CRK: variants seen among roughly 807,000 people sequenced by gnomAD.
The protein encoded by CRK is adapter molecule crk.
A neutral mutation model predicts 29.8 loss-of-function variants in CRK; 4 were observed. That is an observed-to-expected ratio of 0.13 (90% CI 0.07 to 0.31). The LOEUF (loss-of-function observed/expected upper bound fraction) is 0.31, where lower values mean the gene tolerates loss of function less well. Ranked by LOEUF, CRK falls within the 10% of genes least tolerant of loss-of-function variation. The pLI is 1.00. For synonymous variants in CRK, 153 were observed against 164.9 expected (o/e 0.93, Z 0.55); for missense variants, 274 against 396.5 (o/e 0.69, Z 2.62).
chr17:1,432,251 G>A (rs2073850457), intron 2 of CRK, among the ~76,000 whole-genome samples: 1 of 152,120 alleles, frequency 6.6e-6, no homozygotes. Flanking sequence ...CACTTTGGGA[G>A]GCTGAGGCAG....
At chr17:1,426,811 G>C (rs1311917971) in intron 2 of CRK, among the ~76,000 whole-genome samples, 1 of 151,742 alleles carries the variant, frequency 6.6e-6, no homozygotes, top group Non-Finnish European at 1.5e-5. Context: ...GCAGTGAGCC[G>C]AGACTGTGCC....
intron 1 of CRK, among the ~76,000 whole-genome samples, chr17:1,445,404 A>C (rs1199821342): frequency 6.6e-6 from 1 of 152,186 alleles, no homozygotes; most frequent in Non-Finnish European, 1.5e-5. Context: ...CTCCAATTTA[A>C]GACACTGAAA....
chr17:1,440,767 G>A (rs1446236730), intron 1 of CRK, among the ~76,000 whole-genome samples: 1 of 152,212 alleles, frequency 6.6e-6, no homozygotes, highest in Non-Finnish European at 1.5e-5. Flanking sequence ...GCCAGGCAAG[G>A]TGGTGCATGT....
intron 1 of CRK, among the ~76,000 whole-genome samples, chr17:1,441,856 G>GTT (rs146217933): frequency 0.012 from 1,733 of 150,520 alleles, 29 homozygotes; most frequent in African/African-American, 0.032. Flanking sequence ...CCAGGCTGCG[G>GTT]TTTTGTTTTT....
intron 2 of CRK, among the ~76,000 whole-genome samples, chr17:1,431,349 A>G (rs2073843508): frequency 6.6e-6 from 1 of 152,152 alleles, no homozygotes; most frequent in African/African-American, 2.4e-5. Flanking sequence ...TTCTTCCTCC[A>G]ATTCAGAAAC....
At position 1,423,100 on chromosome 17, in the gene CRK, G is replaced by T; in HGVS notation, c.*413C>A. 2.4e-6 allele frequency: 1 copy of T among 418,948 alleles called. No homozygotes were observed. Among genetic ancestry groups the T allele is most frequent in the Non-Finnish European group, 4.2e-6 (1 of 238,604 alleles). 26.0% of individuals were successfully genotyped at this position (418,948 alleles called of 1,614,324 possible). A position where few individuals can be genotyped will look rare whatever the true frequency, so the allele number is the denominator to read the frequency against. ...CATGATTACTTCACGGGGGTGGAAC[G>T]GAACAGTCTGTCGCCATTTGATAGT... On this transcript the variant is annotated 3_prime_UTR_variant, in exon 3 of 3. Transcript: ENST00000300574.
intron 1 of CRK, among the ~76,000 whole-genome samples, chr17:1,447,323 C>T (rs1200435820): frequency 6.6e-6 from 1 of 151,838 alleles, no homozygotes; most frequent in Non-Finnish European, 1.5e-5. Context: ...TCACCCTGTG[C>T]TGGATTCTGA....
intron 2 of CRK, among the ~76,000 whole-genome samples, chr17:1,436,373 A>G (rs1472063494): frequency 2.0e-5 from 3 of 152,184 alleles, no homozygotes; most frequent in Admixed American, 2.0e-4. Context: ...TGGTGTTATT[A>G]AAGTAGTCCA....
In CRK at chr17:1,434,777, C is replaced by T. The variant is rs142880111; in HGVS notation, c.777+1843G>A. On this transcript the variant is annotated intron_variant, in intron 2 of 2. Coordinates refer to ENST00000300574, the MANE Select transcript of CRK (RefSeq NM_016823.4). ...CAGCCTGGGCGATGGAGTGAGATTT[C>T]GTCTCAAAAAGAACCAAAAAAAAAA... Among the ~76,000 whole-genome samples, 290 of 128,940 alleles carry T rather than the reference C, an allele frequency of 2.2e-3. 3 individuals are homozygous for T. Among genetic ancestry groups the T allele is most frequent in the African/African-American group, 8.0e-3 (258 of 32,316 alleles). The allele number at this position is 128,940 out of a possible 152,430, so 84.6% of individuals were successfully genotyped here.
chr17:1,425,243 C>T (rs2073767307), intron 2 of CRK, among the ~76,000 whole-genome samples: 4 of 151,854 alleles, frequency 2.6e-5, no homozygotes, highest in Admixed American at 1.3e-4. Context: ...CCGCCCGCCA[C>T]CACGCCCAGC....
At chr17:1,434,374 G>T (rs1254564209) in intron 2 of CRK, among the ~76,000 whole-genome samples, 2 of 152,114 alleles carry the variant, frequency 1.3e-5, no homozygotes, top group Non-Finnish European at 2.9e-5. Context: ...CCCTGGTTCT[G>T]GTGTGAGTCA....
intron 2 of CRK, among the ~76,000 whole-genome samples, chr17:1,435,253 T>C (rs1325420920): frequency 1.3e-5 from 2 of 151,962 alleles, no homozygotes; most frequent in East Asian, 1.9e-4. Flanking sequence ...TGTTTTGCCA[T>C]GTTGCCTAGG....
At chr17:1,425,451 C>T (rs187082882) in intron 2 of CRK, among the ~76,000 whole-genome samples, 72 of 152,200 alleles carry the variant, frequency 4.7e-4, no homozygotes, top group African/African-American at 1.6e-3. Context: ...CTGGAGAGCA[C>T]TGACACCATC....
rs1385072680 is a variant in CRK, at chr17:1,422,111, G to A, written c.*1402C>T. 2 of 150,126 alleles carry A rather than the reference G, an allele frequency of 1.3e-5. No homozygotes were observed. The highest frequency in any genetic ancestry group is 3.0e-5 in the Non-Finnish European group (2 of 67,666). 9.3% of individuals were successfully genotyped at this position (150,126 alleles called of 1,614,324 possible). A position where few individuals can be genotyped will look rare whatever the true frequency, so the allele number is the denominator to read the frequency against. On this transcript the variant is annotated 3_prime_UTR_variant, in exon 3 of 3. Coordinates refer to ENST00000300574, the MANE Select transcript of CRK (RefSeq NM_016823.4). ...CAGCATTACTCTCCCCATGAGAAAT[G>A]AATAATACATAAGTAATTCACAATT...
intron 1 of CRK, among the ~76,000 whole-genome samples, chr17:1,451,528 G>A (rs1040371343): frequency 4.0e-5 from 6 of 151,828 alleles, no homozygotes; most frequent in African/African-American, 9.7e-5. Flanking sequence ...CACTGCGCCC[G>A]GCCTCTTCTT....
chr17:1,432,144 T>C (rs1252339110), intron 2 of CRK, among the ~76,000 whole-genome samples: 2 of 152,162 alleles, frequency 1.3e-5, no homozygotes, highest in Non-Finnish European at 2.9e-5. Context: ...TAGGAGCTTC[T>C]TACAGCTCTG....
chr17:1,433,676 G>A (rs1476047379), intron 2 of CRK, among the ~76,000 whole-genome samples: 1 of 151,504 alleles, frequency 6.6e-6, no homozygotes, highest in Non-Finnish European at 1.5e-5. Flanking sequence ...CCACCACCAC[G>A]CCTGGCTAAT....
At chr17:1,434,769 T>C (rs12936625) in intron 2 of CRK, among the ~76,000 whole-genome samples, 84,953 of 142,784 alleles carry the variant, frequency 0.59, 25,034 homozygotes, top group South Asian at 0.65. Flanking sequence ...GGCGATGGAG[T>C]GAGATTTCGT....
intron 2 of CRK, among the ~76,000 whole-genome samples, chr17:1,426,713 A>C (rs1343793261): frequency 1.3e-5 from 2 of 152,026 alleles, no homozygotes; most frequent in Non-Finnish European, 2.9e-5. Context: ...AAATACAAAA[A>C]TTAGCCAGGT....
Sources: gnomAD v4.1 joint callset for allele counts (sites outside exome capture counted in the v4.1 genomes callset) on GRCh38, gnomAD v4.1.1 for gene constraint, MANE v1.5 for transcripts, NCBI Gene and HGNC (gene_info 2026-07-23, HGNC 2026-07-21) for gene names.